Variants in AATK observed in about 807,000 individuals in gnomAD.
AATK encodes serine/threonine-protein kinase LMTK1.
Under a neutral mutation model 114.3 loss-of-function variants are expected in AATK, and 91 were observed. That is an observed-to-expected ratio of 0.80 (90% CI 0.67 to 0.95). The LOEUF (loss-of-function observed/expected upper bound fraction) is 0.95. Ranked by LOEUF, AATK falls within the 40% of genes least tolerant of loss-of-function variation. The pLI, the probability that AATK is intolerant of heterozygous loss-of-function variation, is 0.00. For synonymous variants in AATK, 1,075 were observed against 916.5 expected, an observed-to-expected ratio of 1.17 and a Z score of -3.12; for missense variants, 2,176 against 1,965.2, an observed-to-expected ratio of 1.11 and a Z score of -2.03.
chr17:81,143,598 C>T (rs1007048661), intron 1 of AATK, among the ~76,000 whole-genome samples: 1 of 152,154 alleles, frequency 6.6e-6, no homozygotes. Context: ...GTGGCCACAC[C>T]TGGTCCTCCA....
At chr17:81,158,619 T>C (rs2061394994) in intron 1 of AATK, among the ~76,000 whole-genome samples, 1 of 152,206 alleles carries the variant, frequency 6.6e-6, no homozygotes, top group Non-Finnish European at 1.5e-5. Context: ...ACAGGCCAGC[T>C]GGCCAGGGCT....
At chr17:81,156,097 T>C (rs2061358923) in intron 1 of AATK, among the ~76,000 whole-genome samples, 1 of 110,080 alleles carries the variant, frequency 9.1e-6, no homozygotes, top group Non-Finnish European at 1.8e-5. Flanking sequence ...TATGTTACAA[T>C]GTATGTTACA....
chr17:81,127,275 C>CA (rs1437575879), intron 6 of AATK, among the ~76,000 whole-genome samples: 236 of 151,946 alleles, frequency 1.6e-3, no homozygotes, highest in Middle Eastern at 3.4e-3. Flanking sequence ...TGCCCCCCCC[C>CA]AGTTGGCCCA....
chr17:81,163,154 C>A (rs1168725328), intron 1 of AATK, among the ~76,000 whole-genome samples: 1 of 152,206 alleles, frequency 6.6e-6, no homozygotes, highest in Non-Finnish European at 1.5e-5. Flanking sequence ...GCTGAGCGCG[C>A]CTCTCCAGAA....
At chr17:81,157,393 G>A (rs1002961187) in intron 1 of AATK, among the ~76,000 whole-genome samples, 16 of 152,208 alleles carry the variant, frequency 1.1e-4, no homozygotes, top group African/African-American at 2.9e-4. Context: ...ACCCCTCCAC[G>A]CACATGCCTG....
intron 1 of AATK, among the ~76,000 whole-genome samples, chr17:81,156,466 C>G (rs139453039): frequency 2.0e-5 from 3 of 152,108 alleles, no homozygotes; most frequent in Non-Finnish European, 4.4e-5. Flanking sequence ...TGGTGCTTCT[C>G]GGCTCACTGC....
At chr17:81,141,266 G>T (rs187910720) in intron 1 of AATK, among the ~76,000 whole-genome samples, 1 of 152,226 alleles carries the variant, frequency 6.6e-6, no homozygotes, top group East Asian at 1.9e-4. Context: ...CCTGGCCAAC[G>T]TGGTGAAATC....
At position 81,153,705 on chromosome 17, in the gene AATK, A is replaced by C. The variant is rs1480221538; in HGVS notation, c.55+12233T>G. Among the ~76,000 whole-genome samples the C allele has an allele frequency of 2.0e-5, 3 of 152,194 alleles. 1 individual carries two copies. Among genetic ancestry groups the C allele is most frequent in the Non-Finnish European group, 4.4e-5 (3 of 68,042 alleles). ...GCGCAATGGACCTCCCGTACCCCAA[A>C]CAACACAGAAGCGTGGCACAGAAGA... On this transcript the variant is annotated intron_variant, in intron 1 of 13. Coordinates refer to ENST00000326724, the MANE Select transcript of AATK (RefSeq NM_001080395.3).
In AATK at chr17:81,121,514, G is replaced by C. The variant is rs1199282501; in HGVS notation, c.2422C>G (p.Pro808Ala). 6.5e-7 allele frequency: 1 copy of C among 1,548,402 alleles called. No individual in the cohort carries two copies. The highest frequency in any genetic ancestry group is 1.2e-5 in the South Asian group (1 of 80,726). The change falls in exon 11 of 14, where the codon CCA (proline) becomes GCA (alanine). Residue 808 changes from proline to alanine, a missense_variant. This residue lies in a region of AATK where 1,701 missense variants were observed against 1,394.7 expected (regional missense o/e 1.22). Coordinates refer to ENST00000326724, the MANE Select transcript of AATK (RefSeq NM_001080395.3). Reference protein sequence around the residue: ...SVPSPSQEGAPLPSEEASAPD... With the variant: ...SVPSPSQEGAALPSEEASAPD... ...GCACTGGCCTCCTCCGAGGGAAGTG[G>C]GGCTCCCTCCTGGGATGGGGAGGGG...
At chr17:81,132,020 T>C in intron 2 of AATK, 1 of 1,305,118 alleles carries the variant, frequency 7.7e-7, no homozygotes, top group Non-Finnish European at 1.0e-6. Flanking sequence ...GGCCACTCCC[T>C]GCCAGGCTGC....
In AATK at chr17:81,166,042, C is replaced by G; in HGVS notation, c.-50G>C. On this transcript the variant is annotated 5_prime_UTR_variant, in exon 1 of 14. Coordinates refer to ENST00000326724, the MANE Select transcript of AATK (RefSeq NM_001080395.3). ...TCCCGGGAGGGCGCTGCGCTCAGGA[C>G]GCCCGCGGCCCCGGCCCGAGCCGCC... The G allele has an allele frequency of 7.2e-7, 1 of 1,395,722 alleles. No homozygotes were observed. Among genetic ancestry groups the G allele is most frequent in the Non-Finnish European group, 9.4e-7 (1 of 1,066,244 alleles). 86.5% of individuals were successfully genotyped at this position (1,395,722 alleles called of 1,614,324 possible).
chr17:81,137,050 G>T (rs1450610133), intron 1 of AATK, among the ~76,000 whole-genome samples: 1 of 152,044 alleles, frequency 6.6e-6, no homozygotes, highest in Non-Finnish European at 1.5e-5. Flanking sequence ...TTGAGGTCAG[G>T]AGTTCGAGAC....
intron 1 of AATK, among the ~76,000 whole-genome samples, chr17:81,148,124 C>T (rs1221786218): frequency 2.0e-5 from 3 of 148,704 alleles, no homozygotes; most frequent in Admixed American, 1.3e-4. Flanking sequence ...TACCCCAAAG[C>T]GTGAAGAGTT....
intron 1 of AATK, among the ~76,000 whole-genome samples, chr17:81,137,368 C>T (rs571526049): frequency 4.6e-5 from 7 of 152,208 alleles, no homozygotes; most frequent in Middle Eastern, 3.4e-3. Flanking sequence ...GCCCTGTCCT[C>T]GTGGCCACGA....
chr17:81,121,014 C>A lies in AATK; in HGVS notation c.2922G>T (p.Gly974=). 6.2e-7 allele frequency: 1 copy of A among 1,610,210 alleles called. No individual in the cohort carries two copies. Among genetic ancestry groups the A allele is most frequent in the Non-Finnish European group, 8.5e-7 (1 of 1,178,922 alleles). ...GGGAGGTGGAGAGCCGTGTCTCGGG[C>A]CCGGGGCCCTCACCCTCTGAGGCCA... ...AELASEGEGP[G]PETRLSTSLS... is the part of the protein sequence containing the mutation. The change falls in exon 11 of 14, where the codon GGG becomes GGT. Residue 974 remains glycine (G), a synonymous_variant. Transcript: ENST00000326724.
At chr17:81,128,085 C>G (rs981760452) in intron 4 of AATK, among the ~76,000 whole-genome samples, 175 bp from the exon 5 acceptor site, 36 of 152,144 alleles carry the variant, frequency 2.4e-4, no homozygotes, top group Non-Finnish European at 7.4e-5. Flanking sequence ...CCCGGCAACC[C>G]TCTGGCTGTA....
At chr17:81,145,247 AAAAG>A (rs1282685186) in intron 1 of AATK, among the ~76,000 whole-genome samples, 3 of 66,116 alleles carry the variant, frequency 4.5e-5, no homozygotes, top group Non-Finnish European at 6.1e-5. Flanking sequence ...AAAAAAAAAA[AAAAG>A]AAAAAGAAAA....
rs1335708258 is a variant in AATK, at chr17:81,133,097, TC to T, written c.189+1270del. The T allele has an allele frequency of 2.1e-5, 8 of 385,746 alleles. No individual in the cohort carries two copies. The East Asian group carries it at 6.4e-4, about 31-fold the overall frequency. The allele number at this position is 385,746 out of a possible 1,614,324, so 23.9% of individuals were successfully genotyped here. A position where few individuals can be genotyped will look rare whatever the true frequency, so the allele number is the denominator to read the frequency against. On this transcript the variant is annotated intron_variant, in intron 2 of 13. Coordinates refer to ENST00000326724, the MANE Select transcript of AATK (RefSeq NM_001080395.3). ...CTGGTGCCAGCGGGTCAGGGGTACA[TC>T]CCAGAGCAGGGTGGGGGCTCTGGGC...
At chr17:81,156,054 C>A (rs1031528888) in intron 1 of AATK, among the ~76,000 whole-genome samples, 3 of 151,892 alleles carry the variant, frequency 2.0e-5, no homozygotes, top group South Asian at 2.1e-4. Flanking sequence ...ATGTATGTTA[C>A]CATGTTATAA....
Sources: gnomAD v4.1 joint callset for allele counts (sites outside exome capture counted in the v4.1 genomes callset) on GRCh38, gnomAD v4.1.1 for gene constraint, gnomAD v4.1.1 regional missense constraint, MANE v1.5 for transcripts, NCBI Gene and HGNC (gene_info 2026-07-23, HGNC 2026-07-21) for gene names.